BICD1: variants seen among roughly 807,000 people sequenced by gnomAD.
BICD1 encodes protein bicaudal D homolog 1.
In BICD1, 35 loss-of-function variants were observed where a neutral mutation model predicts 92.5. That is an observed-to-expected ratio of 0.38 (90% CI 0.29 to 0.50). The LOEUF is 0.50. Ranked by LOEUF, BICD1 falls within the 20% of genes least tolerant of loss-of-function variation. The pLI, the probability that BICD1 is intolerant of heterozygous loss-of-function variation, is 0.93. For synonymous variants in BICD1, 429 were observed against 465.1 expected, an observed-to-expected ratio of 0.92 and a Z score of 1.00; for missense variants, 950 against 1,189.8, an observed-to-expected ratio of 0.80 and a Z score of 2.97.
Position 32,327,632 on chromosome 12 carries a change from G to A in BICD1, c.1177G>A (p.Gly393Arg), listed in dbSNP as rs760462735. 1.4e-5 allele frequency: 22 copies of A among 1,613,970 alleles called. No individual in the cohort carries two copies. The highest frequency in any genetic ancestry group is 1.6e-4 in the Middle Eastern group (1 of 6,084). Residue 393 changes from glycine (G) to arginine (R), a missense_variant, in exon 5 of 10, where the codon GGG becomes AGG. Physicochemically the swap from Gly to Arg is moderately radical, Grantham distance 125. Around this residue, in one of 5 missense-constraint regions of BICD1, gnomAD observed 246 missense variants for 258.4 expected, o/e 0.95. Transcript: ENST00000652176. ...SSKELKAELD[G>R]EKGRDSGEEA... ...CAAGGAGCTCAAGGCTGAGCTGGAC[G>A]GGGAGAAGGGCCGGGACTCAGGGGA...
At chr12:32,268,995 T>G (rs1191094886) in intron 2 of BICD1, among the ~76,000 whole-genome samples, 4 of 152,176 alleles carry the variant, frequency 2.6e-5, no homozygotes, top group African/African-American at 7.2e-5. Context: ...CAGAGGAGTT[T>G]AATACAGATT....
chr12:32,156,929 A>G (rs1943455137), intron 1 of BICD1, among the ~76,000 whole-genome samples: 1 of 152,160 alleles, frequency 6.6e-6, no homozygotes, highest in Non-Finnish European at 1.5e-5. Context: ...ATTGTTTTTC[A>G]TATATATATG....
intron 2 of BICD1, among the ~76,000 whole-genome samples, chr12:32,282,845 A>C (rs1423711248): frequency 6.6e-6 from 1 of 152,224 alleles, no homozygotes; most frequent in Non-Finnish European, 1.5e-5. Flanking sequence ...CCACCGATCC[A>C]ATGACAACGT....
intron 2 of BICD1, among the ~76,000 whole-genome samples, chr12:32,236,531 T>C (rs753513848): frequency 6.6e-6 from 1 of 152,174 alleles, no homozygotes; most frequent in African/African-American, 2.4e-5. Flanking sequence ...CACAACAATA[T>C]TGAAATTAGG....
At chr12:32,338,738 TA>T in intron 7 of BICD1, 47 bp from the exon 8 acceptor site, 1 of 1,492,298 alleles carries the variant, frequency 6.7e-7, no homozygotes, top group Non-Finnish European at 9.0e-7. Flanking sequence ...GTAATTAAAG[TA>T]AAACTTTTTT....
intron 2 of BICD1, among the ~76,000 whole-genome samples, chr12:32,273,698 C>T (rs1947201855): frequency 6.6e-6 from 1 of 152,208 alleles, no homozygotes; most frequent in African/African-American, 2.4e-5. Flanking sequence ...CCATTTCATC[C>T]TTATCATTGT....
At chr12:32,237,426 C>T (rs143928714) in intron 2 of BICD1, among the ~76,000 whole-genome samples, 2 of 152,210 alleles carry the variant, frequency 1.3e-5, no homozygotes, top group South Asian at 2.1e-4. Flanking sequence ...AACAAATCTT[C>T]AAATGTAGAT....
Position 32,306,097 on chromosome 12 carries a change from A to G in BICD1, c.980A>G (p.Gln327Arg), listed in dbSNP as rs1332440422. 1.2e-6 allele frequency: 2 copies of G among 1,604,708 alleles called. No individual in the cohort carries two copies. Among genetic ancestry groups the G allele is most frequent in the African/African-American group, 1.3e-5 (1 of 74,440 alleles). ...AGTGAGCTGAACATTTCAGAAATAC[A>G]GAAGTTGAAGCAGCAGCTTATGCAG... ...LFSELNISEI[Q>R]KLKQQLMQVE... The change falls in exon 4 of 10, where the codon CAG becomes CGG. Residue 327 changes from glutamine (Q) to arginine (R), a missense_variant. By Grantham distance (43) the Gln-to-Arg change is conservative. Transcript: ENST00000652176.
intron 2 of BICD1, among the ~76,000 whole-genome samples, chr12:32,227,076 G>C (rs1186940785): frequency 1.3e-5 from 2 of 152,216 alleles, no homozygotes; most frequent in Non-Finnish European, 2.9e-5. Flanking sequence ...GGACTGTGAA[G>C]GAGGAGGTGG....
chr12:32,305,241 G>A (rs1948179809), intron 3 of BICD1, among the ~76,000 whole-genome samples: 1 of 151,938 alleles, frequency 6.6e-6, no homozygotes, highest in South Asian at 2.1e-4. Flanking sequence ...TTATTAATAA[G>A]GAAATAAAAC....
chr12:32,344,596 T>C (rs558872446), intron 8 of BICD1, among the ~76,000 whole-genome samples: 1 of 152,176 alleles, frequency 6.6e-6, no homozygotes, highest in Admixed American at 6.5e-5. Context: ...GGAATAGGAA[T>C]GTTTAAATAT....
chr12:32,201,612 A>C (rs781755718), intron 1 of BICD1, among the ~76,000 whole-genome samples: 1 of 152,162 alleles, frequency 6.6e-6, no homozygotes, highest in Non-Finnish European at 1.5e-5. Flanking sequence ...CCAGAATATA[A>C]CTTATGATGA....
Position 32,338,958 on chromosome 12 carries a change from A to T in BICD1, c.2743A>T (p.Arg915Trp). 2 of 1,599,526 alleles carry T rather than the reference A, an allele frequency of 1.3e-6. No individual in the cohort carries two copies. The highest frequency in any genetic ancestry group is 1.8e-5 in the Admixed American group (1 of 56,520). Residue 915 changes from arginine (R) to tryptophan (W), a missense_variant, in exon 8 of 10, where the codon AGG becomes TGG. By Grantham distance (101) the Arg-to-Trp change is moderately radical. Transcript: ENST00000652176. The part of the protein sequence containing the change: ...IQGHRLSKEK[R>W]LTVAPPDCQQ... The stretch of plus-strand genomic sequence containing the variant: ...AGGGCACCGGCTCAGCAAGGAAAAA[A>T]GGTTAACCGTGGCTCCACCAGGTAA...
intron 8 of BICD1, among the ~76,000 whole-genome samples, chr12:32,363,971 C>A (rs973495204): frequency 6.6e-6 from 1 of 151,578 alleles, no homozygotes; most frequent in African/African-American, 2.4e-5. Context: ...ACATCGTAAA[C>A]AATAAATAAG....
chr12:32,194,425 C>T (rs1484751354), intron 1 of BICD1, among the ~76,000 whole-genome samples: 1 of 152,174 alleles, frequency 6.6e-6, no homozygotes, highest in East Asian at 1.9e-4. Flanking sequence ...TTGCAGATGT[C>T]ATGATCTTAT....
intron 6 of BICD1, among the ~76,000 whole-genome samples, chr12:32,336,842 T>TGGC (rs1326587258): frequency 1.3e-5 from 2 of 152,206 alleles, no homozygotes; most frequent in Non-Finnish European, 2.9e-5. Context: ...CTGGGTGCAG[T>TGGC]GGCTGATACC....
chr12:32,156,031 G>GA (rs1943426971), intron 1 of BICD1, among the ~76,000 whole-genome samples: 1 of 152,174 alleles, frequency 6.6e-6, no homozygotes, highest in Non-Finnish European at 1.5e-5. Context: ...GTGAGGTCTT[G>GA]AAATAGCCCT....
intron 2 of BICD1, among the ~76,000 whole-genome samples, chr12:32,249,689 CTT>C (rs35108159): frequency 3.4e-5 from 5 of 145,732 alleles, no homozygotes; most frequent in African/African-American, 7.6e-5. Context: ...CTCTCTCTCT[CTT>C]TTTTTTTTTT....
chr12:32,124,457 A>G (rs1369707676), intron 1 of BICD1, among the ~76,000 whole-genome samples: 1 of 152,138 alleles, frequency 6.6e-6, no homozygotes, highest in African/African-American at 2.4e-5. Context: ...TAAAATGGAG[A>G]ATGATAATAA....
Sources: gnomAD v4.1 joint callset for allele counts (sites outside exome capture counted in the v4.1 genomes callset) on GRCh38, gnomAD v4.1.1 for gene constraint, gnomAD v4.1.1 regional missense constraint, MANE v1.5 for transcripts, NCBI Gene and HGNC (gene_info 2026-07-23, HGNC 2026-07-21) for gene names.